The following NPEPL1 variants were observed in gnomAD, a reference collection of about 807,000 sequenced individuals.
NPEPL1 encodes aminopeptidase like 1, also known as probable aminopeptidase NPEPL1.
Under a neutral mutation model 52.4 loss-of-function variants are expected in NPEPL1, and 45 were observed. The observed-to-expected ratio is 0.86, with a 90% CI of 0.68 to 1.10. NPEPL1 has a LOEUF of 1.10. Ranked by LOEUF, NPEPL1 falls within the 50% of genes least tolerant of loss-of-function variation. The pLI is 0.00. For missense variants in NPEPL1, 696 were observed against 710.9 expected, an observed-to-expected ratio of 0.98 and a Z score of 0.24; for synonymous variants, 360 against 314.7, an observed-to-expected ratio of 1.14 and a Z score of -1.52.
Position 58,714,842 on chromosome 20 carries a change from GGCT to G in NPEPL1, c.1413+177_1413+179del, listed in dbSNP as rs1276571954. On this transcript the variant is annotated intron_variant, in intron 11 of 11. Transcript: ENST00000356091. Reference sequence around the variant, plus strand: ...GTCTCATCCTCCCTGGGAACAGAGTGGCTGCTGTGTGCGACCCTTCCCCAGCCA... The same window carrying G: ...GTCTCATCCTCCCTGGGAACAGAGTGGCTGTGTGCGACCCTTCCCCAGCCA... 4.7e-6 allele frequency: 3 copies of G among 632,926 alleles called. No individual in the cohort carries two copies. In the African/African-American group the frequency reaches 5.5e-5, roughly 12 times the overall value. The allele number at this position is 632,926 out of a possible 1,614,324, so 39.2% of individuals were successfully genotyped here. A position where few individuals can be genotyped will look rare whatever the true frequency, so the allele number is the denominator to read the frequency against.
At position 58,698,757 on chromosome 20, in the gene NPEPL1, C is replaced by T. The variant is rs748803461; in HGVS notation, c.581C>T (p.Thr194Ile). The T allele has an allele frequency of 6.2e-7, 1 of 1,612,670 alleles. No homozygotes were observed. The highest frequency in any genetic ancestry group is 2.2e-5 in the East Asian group (1 of 44,868). The stretch of plus-strand genomic sequence containing the variant: ...GACACACCCTGCAATGAGATGAACA[C>T]CGACACCTTCCTCGAGGTTTGTGGC... Reference protein sequence around the residue: ...IVDTPCNEMNTDTFLEEINKV... With the variant: ...IVDTPCNEMNIDTFLEEINKV... Residue 194 changes from threonine to isoleucine, a missense_variant, in exon 4 of 12, where the codon ACC (threonine) becomes ATC (isoleucine). Transcript: ENST00000356091.
At chr20:58,689,910 CAAAT>C (rs879765587), upstream of NPEPL1, among the ~76,000 whole-genome samples, 15 of 152,046 alleles carry the variant, frequency 9.9e-5, no homozygotes, top group Non-Finnish European at 1.8e-4. Flanking sequence ...AAATGTATGT[CAAAT>C]GAATGAATGA....
intron 3 of NPEPL1, among the ~76,000 whole-genome samples, chr20:58,697,282 C>G (rs114621840): frequency 6.6e-6 from 1 of 152,354 alleles, no homozygotes; most frequent in African/African-American, 2.4e-5. Flanking sequence ...AGCGCTCTTG[C>G]GTCAGAGCCC....
chr20:58,714,394 G>A, intron 10 of NPEPL1, 166 bp from the exon 11 acceptor site: 1 of 618,302 alleles, frequency 1.6e-6, no homozygotes, highest in Non-Finnish European at 2.8e-6. Flanking sequence ...AGACTCCTTA[G>A]CTCATGGTCA....
Position 58,713,322 on chromosome 20 carries a change from A to T in NPEPL1, c.1002-98A>T. The T allele has an allele frequency of 1.4e-6, 2 of 1,436,584 alleles. No homozygotes were observed. The highest frequency in any genetic ancestry group is 2.8e-5 in the South Asian group (2 of 71,282). 89.0% of individuals were successfully genotyped at this position (1,436,584 alleles called of 1,614,324 possible). A position where few individuals can be genotyped will look rare whatever the true frequency, so the allele number is the denominator to read the frequency against. On this transcript the variant is annotated intron_variant, in intron 8 of 11. Transcript: ENST00000356091. The surrounding 1 kb of genome is among the most constrained non-coding windows in gnomAD (Gnocchi z 4.6). Reference sequence around the variant, plus strand: ...TGTTGGGGTTCGGGGAGCCACAGGGATGGGCAGCTCCAAATGGGGTCTCCC... The same window carrying T: ...TGTTGGGGTTCGGGGAGCCACAGGGTTGGGCAGCTCCAAATGGGGTCTCCC...
At chr20:58,711,651 GCAC>G (rs2084846649) in intron 7 of NPEPL1, 1 of 152,930 alleles carries the variant, frequency 6.5e-6, no homozygotes, top group African/African-American at 2.4e-5. Flanking sequence ...GCCATGCCCA[GCAC>G]CACTGCTGCA....
intron 6 of NPEPL1, among the ~76,000 whole-genome samples, chr20:58,703,029 ACT>A (rs2084666493): frequency 6.6e-6 from 1 of 151,584 alleles, no homozygotes; most frequent in South Asian, 2.1e-4. Flanking sequence ...ACCATCCCGC[ACT>A]CTCGTGTTTT....
rs373575472 is a variant in NPEPL1 at position 58,708,013 on chromosome 20, G to C, written c.900+813G>C. Among the ~76,000 whole-genome samples the C allele has an allele frequency of 5.3e-4, 81 of 152,308 alleles. 2 individuals carry two copies. The South Asian group carries it at 0.016, about 30-fold the overall frequency. ...GGCGGAGGATCGATTGAGCCCGGGA[G>C]GTTGAGGCTGCAGTGAGCTAAGATC... On this transcript the variant is annotated intron_variant, in intron 7 of 11. Transcript: ENST00000356091.
chr20:58,700,975 T>C (rs1345751867), intron 5 of NPEPL1, 41 bp from the exon 6 acceptor site: 31 of 1,455,358 alleles, frequency 2.1e-5, no homozygotes, highest in Non-Finnish European at 5.5e-6. Context: ...CCCGCTCAGC[T>C]CAGCCCGAGC....
intron 11 of NPEPL1, 28 bp downstream of exon 11, chr20:58,714,698 T>A: frequency 1.3e-6 from 2 of 1,527,286 alleles, no homozygotes; most frequent in Non-Finnish European, 1.8e-6. Context: ...CCACTGGCCC[T>A]GGCTGCTCCC....
intron 6 of NPEPL1, among the ~76,000 whole-genome samples, chr20:58,706,154 CAG>C (rs1357965366): frequency 6.6e-6 from 1 of 152,170 alleles, no homozygotes; most frequent in Non-Finnish European, 1.5e-5. Flanking sequence ...GTATAGGAAA[CAG>C]TGTGGACACT....
At position 58,713,430 on chromosome 20, in the gene NPEPL1, A is replaced by T; in HGVS notation, c.1012A>T (p.Ile338Phe). ...HLLYSGKTVE[I>F]NNTDAEGRLV... The stretch of plus-strand genomic sequence containing the variant: ...TCTACCATGCCCCAGGACGGTGGAA[A>T]TCAACAACACGGATGCCGAGGGCAG... Residue 338 changes from isoleucine (I) to phenylalanine (F), a missense_variant, in exon 9 of 12, where the codon ATC (isoleucine) becomes TTC (phenylalanine). Transcript: ENST00000356091. The surrounding 1 kb of genome is among the most constrained non-coding windows in gnomAD (Gnocchi z 4.6). 1 of 1,607,672 alleles carries T rather than the reference A, an allele frequency of 6.2e-7. No homozygotes were observed. The highest frequency in any genetic ancestry group is 1.7e-5 in the Admixed American group (1 of 59,362).
rs144216642 is a variant in NPEPL1 at position 58,699,992 on chromosome 20, A to G, written c.679+714A>G. Among the ~76,000 whole-genome samples, 405 of 152,316 alleles carry G rather than the reference A, an allele frequency of 2.7e-3. 1 individual carries two copies. Among genetic ancestry groups the G allele is most frequent in the African/African-American group, 9.3e-3 (386 of 41,576 alleles). On this transcript the variant is annotated intron_variant, in intron 5 of 11. Coordinates refer to ENST00000356091, the MANE Select transcript of NPEPL1 (RefSeq NM_024663.4). Reference sequence around the variant, plus strand: ...TTGTCAGGTTGTTGGCTGGGGCTGCAGTCATCTGAGGGCTTGCCTGGGGCT... The same window carrying G: ...TTGTCAGGTTGTTGGCTGGGGCTGCGGTCATCTGAGGGCTTGCCTGGGGCT...
At position 58,698,699 on chromosome 20, in the gene NPEPL1, A is replaced by G. The variant is rs1047858240; in HGVS notation, c.523A>G (p.Thr175Ala). Residue 175 changes from threonine to alanine, a missense_variant, in exon 4 of 12, where the codon ACA becomes GCA. Thr to Ala is a moderately conservative substitution (Grantham distance 58). Coordinates refer to ENST00000356091, the MANE Select transcript of NPEPL1 (RefSeq NM_024663.4). ...TTCTCCCTAGTGCTTAGCGAATGCC[A>G]CAGACGGCGTGCGGCTAGCAGCCCG... is the stretch of plus-strand genomic sequence containing the variant. ...VSTLQCLANA[T>A]DGVRLAARIV... The G allele has an allele frequency of 6.2e-7, 1 of 1,612,688 alleles. No individual in the cohort carries two copies. Among genetic ancestry groups the G allele is most frequent in the African/African-American group, 1.3e-5 (1 of 74,938 alleles).
At chr20:58,706,802 C>T (rs1175538590) in intron 6 of NPEPL1, among the ~76,000 whole-genome samples, 1 of 152,222 alleles carries the variant, frequency 6.6e-6, no homozygotes, top group Non-Finnish European at 1.5e-5. Context: ...CCGGCCACAG[C>T]GAATTCTGCA....
At chr20:58,693,579 C>T (rs1488924978) in intron 1 of NPEPL1, 158 bp from the exon 2 acceptor site, 2 of 614,934 alleles carry the variant, frequency 3.3e-6, no homozygotes, top group Admixed American at 3.2e-5. Flanking sequence ...TGCAGAGAGG[C>T]GACACATCTC....
rs577794404 is a variant in NPEPL1 at position 58,713,052 on chromosome 20, G to A, written c.1002-368G>A. Reference sequence around the variant, plus strand: ...CCCATGAGCTGGTGCCTGAGTGGGCGCCTCCCCGCATCTCCTGCTCTTCCT... The same window carrying A: ...CCCATGAGCTGGTGCCTGAGTGGGCACCTCCCCGCATCTCCTGCTCTTCCT... On this transcript the variant is annotated intron_variant, in intron 8 of 11. Transcript: ENST00000356091. The surrounding 1 kb of genome is among the most constrained non-coding windows in gnomAD (Gnocchi z 4.6). The A allele has an allele frequency of 1.5e-3, 522 of 346,190 alleles. 3 individuals carry two copies. Among genetic ancestry groups the A allele is most frequent in the African/African-American group, 0.01 (488 of 47,912 alleles). 21.4% of individuals were successfully genotyped at this position (346,190 alleles called of 1,614,324 possible). A position where few individuals can be genotyped will look rare whatever the true frequency, so the allele number is the denominator to read the frequency against.
upstream of NPEPL1, chr20:58,692,165 G>T: frequency 2.7e-6 from 1 of 375,726 alleles, no homozygotes; most frequent in Non-Finnish European, 4.9e-6. This position sits in a 1 kb window ranked among gnomAD's most constrained non-coding sequence, Gnocchi z 5.7. Context: ...ATTTGTAACT[G>T]GCCATCCCAG....
intron 7 of NPEPL1, 128 bp downstream of exon 7, chr20:58,707,328 T>C: frequency 1.2e-6 from 1 of 849,226 alleles, no homozygotes. Context: ...CGGATGCTTG[T>C]CCCCCCTCTG....
Sources: allele counts gnomAD v4.1 joint callset (sites outside exome capture counted in the v4.1 genomes callset), GRCh38; gene constraint gnomAD v4.1.1; non-coding constraint Gnocchi (gnomAD v3.1); transcripts MANE v1.5; gene names NCBI Gene and HGNC (gene_info 2026-07-23, HGNC 2026-07-21).